The following MAN2B2 variants were observed in gnomAD, a reference collection of about 807,000 sequenced individuals.
MAN2B2 encodes the protein mannosidase alpha class 2B member 2.
MAN2B2 carries 106 observed loss-of-function variants against 117.1 expected under a neutral mutation model. The observed-to-expected ratio is 0.90, with a 90% confidence interval of 0.77 to 1.06. The LOEUF is 1.06. Among genes scored for constraint, MAN2B2 ranks in the 50% least tolerant of loss-of-function variants. The probability of loss-of-function intolerance (pLI) is 0.00; values close to 1 mark genes in which losing one functional copy is unlikely to be tolerated. For synonymous variants in MAN2B2, 544 were observed against 595.1 expected, an observed-to-expected ratio of 0.91 and a Z score of 1.25; for missense variants, 1,326 against 1,381.4, an observed-to-expected ratio of 0.96 and a Z score of 0.64.
chr4:6,609,216 GC>G lies in MAN2B2; in HGVS notation c.1926del (p.Ala643ArgfsTer18), dbSNP rs769359361. ...TAACTACCTGTTCACACCGGGCAAG[GC>G]CGCGGTGCCTGCGTGGGAAGCTGTG... Reference protein sequence around the residue: ...SDNYLFTPGKAAVPAWEAVEM... With the variant: ...SDNYLFTPGKXAVPAWEAVEM... On this transcript the variant is annotated frameshift_variant, in exon 12 of 19. Coordinates refer to ENST00000285599, the MANE Select transcript of MAN2B2 (RefSeq NM_015274.3). LOFTEE classifies it high-confidence loss of function. 14 of 1,614,100 alleles carry G rather than the reference GC, an allele frequency of 8.7e-6. No homozygotes were observed. Among genetic ancestry groups the G allele is most frequent in the Middle Eastern group, 1.6e-4 (1 of 6,084 alleles).
intron 16 of MAN2B2, among the ~76,000 whole-genome samples, chr4:6,615,154 G>A (rs1711803499): frequency 6.6e-6 from 1 of 152,244 alleles, no homozygotes; most frequent in African/African-American, 2.4e-5. Context: ...CCAGCACTTA[G>A]GGGATCCGAG....
At chr4:6,614,058 G>A (rs1711729696) in intron 15 of MAN2B2, among the ~76,000 whole-genome samples, 160 bp from the exon 16 acceptor site, 1 of 152,238 alleles carries the variant, frequency 6.6e-6, no homozygotes, top group Admixed American at 6.5e-5. Context: ...CTGGGGCATT[G>A]GGAGCACAAA....
At position 6,621,235 on chromosome 4, in the gene MAN2B2, G is replaced by C. The variant is rs201734782; in HGVS notation, c.2980G>C (p.Val994Leu). ...GCCACCAGGAGGCCCCATCATCACC[G>C]TCCACCCAAAGGAAATCCGGACGTT... ...SRPPGGPIITVHPKEIRTFFI... is the reference protein window; with the variant it reads ...SRPPGGPIITLHPKEIRTFFI... Residue 994 changes from valine to leucine, a missense_variant, in exon 19 of 19, where the codon GTC (valine) becomes CTC (leucine). Val to Leu is a conservative substitution (Grantham distance 32, BLOSUM62 1). Coordinates refer to ENST00000285599, the MANE Select transcript of MAN2B2 (RefSeq NM_015274.3). 26 of 1,614,050 alleles carry C rather than the reference G, an allele frequency of 1.6e-5. No homozygotes were observed. The highest frequency in any genetic ancestry group is 2.1e-5 in the Non-Finnish European group (25 of 1,179,992).
chr4:6,617,661 C>A (rs952171023), intron 17 of MAN2B2, 169 bp downstream of exon 17: 61 of 1,347,736 alleles, frequency 4.5e-5, no homozygotes, highest in Admixed American at 8.0e-5. Flanking sequence ...TCAGGTATTA[C>A]AACTGGCCTG....
chr4:6,588,512 C>T (rs1230035905), intron 4 of MAN2B2, among the ~76,000 whole-genome samples: 4 of 152,152 alleles, frequency 2.6e-5, no homozygotes, highest in South Asian at 4.2e-4. Flanking sequence ...GTCAAGAGTT[C>T]GAAACCAGCC....
At chr4:6,584,857 A>G (rs1330356352) in intron 3 of MAN2B2, among the ~76,000 whole-genome samples, 1 of 152,160 alleles carries the variant, frequency 6.6e-6, no homozygotes, top group African/African-American at 2.4e-5. Context: ...GAGGCTGGGC[A>G]TGGTGCACCC....
intron 3 of MAN2B2, among the ~76,000 whole-genome samples, chr4:6,582,657 C>T (rs2108860202): frequency 6.6e-6 from 1 of 152,152 alleles, no homozygotes; most frequent in South Asian, 2.1e-4. Flanking sequence ...GTATTGAAAA[C>T]ACACTTAAAT....
intron 17 of MAN2B2, 77 bp from the exon 18 acceptor site, chr4:6,619,850 C>A: frequency 7.5e-7 from 1 of 1,329,878 alleles, no homozygotes; most frequent in East Asian, 2.3e-5. Flanking sequence ...GGTGTGTCTG[C>A]CCTGCTGCTG....
chr4:6,602,748 C>T (rs745593657), intron 10 of MAN2B2, among the ~76,000 whole-genome samples: 4 of 151,684 alleles, frequency 2.6e-5, no homozygotes, highest in Non-Finnish European at 4.4e-5. Flanking sequence ...CAGCTCACTG[C>T]AGCCTCAACA....
At chr4:6,608,241 T>C (rs745876077) in intron 11 of MAN2B2, among the ~76,000 whole-genome samples, 3 of 151,766 alleles carry the variant, frequency 2.0e-5, no homozygotes, top group Non-Finnish European at 4.4e-5. Flanking sequence ...GGGGAAGGGG[T>C]CCAGGGCCAG....
intron 2 of MAN2B2, among the ~76,000 whole-genome samples, chr4:6,578,151 T>C (rs142830206): frequency 6.3e-4 from 96 of 152,340 alleles, no homozygotes; most frequent in African/African-American, 2.0e-3. Context: ...GTTAATAAAA[T>C]AAGATTTAAG....
Position 6,575,199 on chromosome 4 carries a change from C to A in MAN2B2, c.-12C>A. ...GGAAGTGGGCCTGGCACCTTCCCGG[C>A]CTGCCGCAGGGATGGGGCAGCTGTG... On this transcript the variant is annotated 5_prime_UTR_variant, in exon 1 of 19. Transcript: ENST00000285599. 1 of 1,416,370 alleles carries A rather than the reference C, an allele frequency of 7.1e-7. No homozygotes were observed. The highest frequency in any genetic ancestry group is 9.6e-7 in the Non-Finnish European group (1 of 1,045,268). The allele number at this position is 1,416,370 out of a possible 1,614,324, so 87.7% of individuals were successfully genotyped here. A position where few individuals can be genotyped will look rare whatever the true frequency, so the allele number is the denominator to read the frequency against.
intron 2 of MAN2B2, among the ~76,000 whole-genome samples, chr4:6,577,455 C>T (rs568440707): frequency 2.1e-4 from 32 of 152,244 alleles, no homozygotes; most frequent in African/African-American, 6.7e-4. Context: ...GGGAGTGAAG[C>T]GGAGAAGGGA....
At chr4:6,609,059 G>A (rs544241717) in intron 11 of MAN2B2, 48 bp from the exon 12 acceptor site, 9 of 1,556,852 alleles carry the variant, frequency 5.8e-6, no homozygotes, top group South Asian at 3.6e-5. Context: ...GTGTCTGTAA[G>A]ACCTTGTGCA....
At position 6,614,374 on chromosome 4, in the gene MAN2B2, C is replaced by A; in HGVS notation, c.2701+19C>A. The A allele has an allele frequency of 6.2e-7, 1 of 1,610,332 alleles. No individual in the cohort carries two copies. The highest frequency in any genetic ancestry group is 1.3e-5 in the African/African-American group (1 of 75,004). On this transcript the variant is annotated intron_variant, in intron 16 of 18. Coordinates refer to ENST00000285599, the MANE Select transcript of MAN2B2 (RefSeq NM_015274.3). ...CGGAAAGGTGAGGCAGGTGCCCTGG[C>A]GTCTCAGACCTGCTCCTCCCTCCCT... is the stretch of plus-strand genomic sequence containing the variant.
intron 16 of MAN2B2, among the ~76,000 whole-genome samples, chr4:6,616,716 C>CA (rs1473672811): frequency 9.2e-5 from 14 of 152,074 alleles, no homozygotes; most frequent in Non-Finnish European, 1.6e-4. Context: ...CCAATATGCC[C>CA]ACAACAGTGG....
In MAN2B2 at chr4:6,579,282, AT is replaced by A. The variant is rs1560634945; in HGVS notation, c.391+785del. Among the ~76,000 whole-genome samples the A allele has an allele frequency of 3.0e-4, 30 of 101,308 alleles. 1 individual carries two copies. The highest frequency in any genetic ancestry group is 1.1e-3 in the African/African-American group (27 of 23,504). 66.5% of individuals were successfully genotyped at this position (101,308 alleles called of 152,430 possible). A position where few individuals can be genotyped will look rare whatever the true frequency, so the allele number is the denominator to read the frequency against. On this transcript the variant is annotated intron_variant, in intron 3 of 18. Transcript: ENST00000285599. Reference sequence around the variant, plus strand: ...CACCACCACCACCATCACCACCACCATCACCATCACCACCACCATCACCACC... The same window carrying A: ...CACCACCACCACCATCACCACCACCACACCATCACCACCACCATCACCACC...
At chr4:6,612,390 A>T (rs1711608511) in intron 15 of MAN2B2, among the ~76,000 whole-genome samples, 1 of 152,094 alleles carries the variant, frequency 6.6e-6, no homozygotes, top group South Asian at 2.1e-4. Context: ...AGCTGGGAGG[A>T]GGTCAGGGAT....
rs759602783 is a variant in MAN2B2 at position 6,611,175 on chromosome 4, G to A, written c.2460G>A (p.Val820=). 3.7e-6 allele frequency: 6 copies of A among 1,613,884 alleles called. No homozygotes were observed. In the Admixed American group the frequency reaches 1.0e-4, roughly 27 times the overall value. ...TLNDTSVVHP[V]LWLLLGSWSL... is the part of the protein sequence containing the mutation. ...ACGACACCTCAGTCGTCCACCCAGT[G>A]CTCTGGCTTCTGCTGGGATCCTGGT... is the stretch of plus-strand genomic sequence containing the variant. Residue 820 remains valine, a synonymous_variant, in exon 15 of 19, where the codon GTG becomes GTA. Transcript: ENST00000285599.
Sources: gnomAD v4.1 joint callset for allele counts (sites outside exome capture counted in the v4.1 genomes callset) on GRCh38, gnomAD v4.1.1 for gene constraint, MANE v1.5 for transcripts, NCBI Gene and HGNC (gene_info 2026-07-23, HGNC 2026-07-21) for gene names.